NR3C2: variants seen among roughly 807,000 people sequenced by gnomAD.
NR3C2 encodes the protein mineralocorticoid receptor.
Under a neutral mutation model 86.4 loss-of-function variants are expected in NR3C2, and 15 were observed. The observed-to-expected ratio is 0.17, with a 90% confidence interval of 0.12 to 0.27. NR3C2 has a LOEUF of 0.27. Ranked by LOEUF, NR3C2 falls within the 10% of genes least tolerant of loss-of-function variation. The pLI is 1.00. For synonymous variants in NR3C2, 458 were observed against 450.5 expected, an observed-to-expected ratio of 1.02 and a Z score of -0.21; for missense variants, 960 against 1,195.6, an observed-to-expected ratio of 0.80 and a Z score of 2.91.
chr4:148,102,422 C>T (rs1254284516), intron 8 of NR3C2, among the ~76,000 whole-genome samples: 1 of 152,182 alleles, frequency 6.6e-6, no homozygotes, highest in Non-Finnish European at 1.5e-5. Flanking sequence ...TCCTGTACGT[C>T]CTAAACAAGC....
chr4:148,281,055 C>T (rs1741209991), intron 2 of NR3C2, among the ~76,000 whole-genome samples: 1 of 152,168 alleles, frequency 6.6e-6, no homozygotes, highest in Non-Finnish European at 1.5e-5. Flanking sequence ...CTTGAGAATT[C>T]CACTTAGTGT....
chr4:148,427,851 T>C (rs1002808307), intron 2 of NR3C2, among the ~76,000 whole-genome samples: 2 of 152,142 alleles, frequency 1.3e-5, no homozygotes, highest in Non-Finnish European at 2.9e-5. Flanking sequence ...TGGGCTTCCA[T>C]TGGCTTAATC....
intron 2 of NR3C2, among the ~76,000 whole-genome samples, chr4:148,397,969 G>A (rs1747946466): frequency 6.6e-6 from 1 of 152,122 alleles, no homozygotes; most frequent in Non-Finnish European, 1.5e-5. Flanking sequence ...AAGGCTCTGG[G>A]GGAGACCTTC....
intron 2 of NR3C2, among the ~76,000 whole-genome samples, chr4:148,389,602 G>T (rs537168837): frequency 2.0e-5 from 3 of 151,836 alleles, no homozygotes; most frequent in South Asian, 4.2e-4. Context: ...ATAGTTACAG[G>T]AAAAAGCCCT....
chr4:148,357,651 C>T (rs1276671121), intron 2 of NR3C2, among the ~76,000 whole-genome samples: 1 of 152,166 alleles, frequency 6.6e-6, no homozygotes, highest in African/African-American at 2.4e-5. Context: ...TTTTATGTTA[C>T]ATACAACAAA....
chr4:148,361,090 C>A (rs988401599), intron 2 of NR3C2, among the ~76,000 whole-genome samples: 4 of 152,118 alleles, frequency 2.6e-5, no homozygotes, highest in Non-Finnish European at 5.9e-5. Context: ...TGTATTCTAG[C>A]GCCTGATAAT....
At chr4:148,203,326 A>C (rs1033696757) in intron 3 of NR3C2, among the ~76,000 whole-genome samples, 4 of 152,210 alleles carry the variant, frequency 2.6e-5, no homozygotes, top group Admixed American at 2.0e-4. Flanking sequence ...TATTTAAAAA[A>C]AAAAAATCAT....
chr4:148,280,894 G>A (rs1392466266), intron 2 of NR3C2, among the ~76,000 whole-genome samples: 3 of 152,188 alleles, frequency 2.0e-5, no homozygotes, highest in Non-Finnish European at 4.4e-5. Context: ...AGATTAATGT[G>A]TGTACTAATT....
At chr4:148,101,105 C>T (rs4835478) in intron 8 of NR3C2, among the ~76,000 whole-genome samples, 110,534 of 152,090 alleles carry the variant, frequency 0.73, 40,505 homozygotes, top group African/African-American at 0.77. Context: ...TGAATGTACT[C>T]AACACCCACA....
chr4:148,148,341 G>A (rs959663148), intron 6 of NR3C2, among the ~76,000 whole-genome samples: 6 of 152,068 alleles, frequency 3.9e-5, no homozygotes, highest in Non-Finnish European at 7.4e-5. Flanking sequence ...GATTCCCATC[G>A]CAGCCTCCTG....
rs772531453 is a variant in NR3C2, at chr4:148,081,337, C to T, written c.*7G>A. Reference sequence around the variant, plus strand: ...CTTAAGGCAAAGTTCTTCTGGGCAGCGGGCAGTCACTTCCGGTGGAAGTAG... The same window carrying T: ...CTTAAGGCAAAGTTCTTCTGGGCAGTGGGCAGTCACTTCCGGTGGAAGTAG... On this transcript the variant is annotated 3_prime_UTR_variant, in exon 9 of 9. Coordinates refer to ENST00000358102, the MANE Select transcript of NR3C2 (RefSeq NM_000901.5). 1.2e-5 allele frequency: 19 copies of T among 1,614,034 alleles called. No homozygotes were observed. Among genetic ancestry groups the T allele is most frequent in the South Asian group, 1.1e-4 (10 of 91,084 alleles).
chr4:148,429,408 G>A (rs1025035839), intron 2 of NR3C2, among the ~76,000 whole-genome samples: 4 of 152,132 alleles, frequency 2.6e-5, no homozygotes, highest in African/African-American at 9.7e-5. Flanking sequence ...CCTCCCTAAG[G>A]TATTAACTTT....
In NR3C2 at chr4:148,081,217, A is replaced by T; in HGVS notation, c.*127T>A. The T allele has an allele frequency of 7.5e-7, 1 of 1,339,966 alleles. No individual in the cohort carries two copies. Among genetic ancestry groups the T allele is most frequent in the Non-Finnish European group, 1.1e-6 (1 of 950,006 alleles). The allele number at this position is 1,339,966 out of a possible 1,614,324, so 83.0% of individuals were successfully genotyped here. On this transcript the variant is annotated 3_prime_UTR_variant, in exon 9 of 9. Coordinates refer to ENST00000358102, the MANE Select transcript of NR3C2 (RefSeq NM_000901.5). ...GGCTCCAAACCTCTGACATGACTTTAAACTTGAGAAACTGTTGAACAAGTG... is the reference window on the plus strand; with the variant it reads ...GGCTCCAAACCTCTGACATGACTTTTAACTTGAGAAACTGTTGAACAAGTG...
At chr4:148,218,243 A>G (rs1275510523) in intron 3 of NR3C2, among the ~76,000 whole-genome samples, 1 of 152,188 alleles carries the variant, frequency 6.6e-6, no homozygotes, top group South Asian at 2.1e-4. Flanking sequence ...TAGAAATAAG[A>G]TCTTAGTGAC....
At chr4:148,378,405 T>C (rs1746787315) in intron 2 of NR3C2, among the ~76,000 whole-genome samples, 2 of 151,604 alleles carry the variant, frequency 1.3e-5, no homozygotes, top group African/African-American at 4.8e-5. Context: ...ATACACACCC[T>C]GCACTGAATT....
intron 3 of NR3C2, among the ~76,000 whole-genome samples, chr4:148,209,845 T>A (rs1273960290): frequency 6.6e-6 from 1 of 152,202 alleles, no homozygotes; most frequent in Non-Finnish European, 1.5e-5. Context: ...ATCCTAATGC[T>A]AGAAGTTCCT....
At chr4:148,130,827 T>TGTTTTG (rs1560936960) in intron 6 of NR3C2, among the ~76,000 whole-genome samples, 27 of 130,964 alleles carry the variant, frequency 2.1e-4, no homozygotes, top group African/African-American at 7.6e-4. Flanking sequence ...TTGTTTTTTT[T>TGTTTTG]TTTTTTTTTT....
chr4:148,362,275 G>A (rs1745876029), intron 2 of NR3C2, among the ~76,000 whole-genome samples: 1 of 152,136 alleles, frequency 6.6e-6, no homozygotes, highest in Non-Finnish European at 1.5e-5. Context: ...GATGACTACA[G>A]TTAATGATAC....
intron 3 of NR3C2, among the ~76,000 whole-genome samples, chr4:148,224,366 GCA>G (rs1175064919): frequency 2.6e-5 from 4 of 152,136 alleles, no homozygotes; most frequent in Admixed American, 2.0e-4. Flanking sequence ...GACATTCAAA[GCA>G]CAATGATTTT....
Sources: allele counts gnomAD v4.1 joint callset (sites outside exome capture counted in the v4.1 genomes callset), GRCh38; gene constraint gnomAD v4.1.1; transcripts MANE v1.5; gene names NCBI Gene and HGNC (gene_info 2026-07-23, HGNC 2026-07-21).